The following CASK variants were observed in gnomAD, a reference collection of about 807,000 sequenced individuals.
The protein encoded by CASK is peripheral plasma membrane protein CASK.
A neutral mutation model predicts 82.9 loss-of-function variants in CASK; 4 were observed. The observed-to-expected ratio is 0.05, with a 90% CI of 0.02 to 0.11. The LOEUF (loss-of-function observed/expected upper bound fraction) is 0.11. CASK is among the 10% of genes least tolerant of loss of function. The pLI, the probability that CASK is intolerant of heterozygous loss-of-function variation, is 1.00. For missense variants in CASK, 358 were observed against 720.9 expected, an observed-to-expected ratio of 0.50 and a Z score of 5.76; for synonymous variants, 259 against 253.5, an observed-to-expected ratio of 1.02 and a Z score of -0.20.
chrX:41,850,887 G>A (rs747157919), intron 2 of CASK, among the ~76,000 whole-genome samples: 2 of 111,569 alleles, frequency 1.8e-5, no homozygotes, highest in South Asian at 3.8e-4. Flanking sequence ...ATAATAAAAT[G>A]TGTCCAAGTC....
Position 41,559,809 on chromosome X carries a change from T to A in CASK, c.1707A>T (p.Pro569=). 8.3e-7 allele frequency: 1 copy of A among 1,210,893 alleles called. No homozygotes were observed. The highest frequency in any genetic ancestry group is 1.1e-6 in the Non-Finnish European group (1 of 894,703). Residue 569 remains proline (P), a synonymous_variant, in exon 18 of 27, where the codon CCA becomes CCT. Transcript: ENST00000378163. The stretch of plus-strand genomic sequence containing the variant: ...AGGACGAAGACTGAGTGCGGTAACT[T>A]GGCACAATCTTGAAGGTAATACTCC... The part of the protein sequence containing the change: ...MRGSITFKIV[P]SYRTQSSSCE...
At chrX:41,879,290 G>A (rs757496325) in intron 1 of CASK, among the ~76,000 whole-genome samples, 2 of 111,534 alleles carry the variant, frequency 1.8e-5, no homozygotes, top group African/African-American at 3.3e-5. Flanking sequence ...AAGACCCCCA[G>A]TGGATGCCTG....
At chrX:41,648,634 G>A (rs906010308) in intron 8 of CASK, among the ~76,000 whole-genome samples, 9 of 111,163 alleles carry the variant, frequency 8.1e-5, no homozygotes, top group African/African-American at 2.9e-4. Context: ...TTATCATGCC[G>A]GCCGACGCTT....
At chrX:41,879,097 TGGA>T (rs2071893511) in intron 1 of CASK, among the ~76,000 whole-genome samples, 1 of 111,614 alleles carries the variant, frequency 9.0e-6, no homozygotes. Flanking sequence ...AGGGAGATGA[TGGA>T]GAATTGGAAA....
chrX:41,578,990 T>G (rs781097882), intron 14 of CASK, among the ~76,000 whole-genome samples: 1 of 112,213 alleles, frequency 8.9e-6, no homozygotes, highest in Admixed American at 9.5e-5. Flanking sequence ...GGGTCAGAGG[T>G]GTTATCAACT....
At chrX:41,635,695 T>TTTCTTC (rs1157091033) in intron 9 of CASK, 1 of 105,202 alleles carries the variant, frequency 9.5e-6, no homozygotes. Context: ...CCAGTTTTCT[T>TTTCTTC]TTCTTCTTCT....
intron 2 of CASK, among the ~76,000 whole-genome samples, chrX:41,808,860 G>A (rs1008888139): frequency 2.7e-5 from 3 of 112,438 alleles, no homozygotes; most frequent in South Asian, 3.7e-4. Flanking sequence ...GGAAAATCGC[G>A]TCACTCTCAC....
intron 1 of CASK, among the ~76,000 whole-genome samples, chrX:41,886,362 C>T (rs773357092): frequency 7.2e-5 from 8 of 111,677 alleles, no homozygotes; most frequent in Non-Finnish European, 1.1e-4. Flanking sequence ...TGGAACCCCT[C>T]GGAACGTCTA....
intron 1 of CASK, among the ~76,000 whole-genome samples, chrX:41,908,034 G>A (rs751042870): frequency 9.0e-6 from 1 of 111,265 alleles, no homozygotes; most frequent in South Asian, 3.8e-4. Context: ...CCTGTTGTGC[G>A]GCCTGGTTTC....
chrX:41,893,214 A>C (rs1293296502), intron 1 of CASK, among the ~76,000 whole-genome samples: 2 of 111,778 alleles, frequency 1.8e-5, no homozygotes, highest in Non-Finnish European at 3.8e-5. Flanking sequence ...GTGACATTTT[A>C]ATTTGGGTCC....
chrX:41,787,332 A>G (rs761230508), intron 2 of CASK, 49 bp from the exon 3 acceptor site: 2 of 710,871 alleles, frequency 2.8e-6, no homozygotes, highest in Non-Finnish European at 4.5e-6. Context: ...ACAAAAGACA[A>G]TTAGAGTGAA....
At chrX:41,869,098 G>A (rs1263115370) in intron 1 of CASK, among the ~76,000 whole-genome samples, 1 of 111,498 alleles carries the variant, frequency 9.0e-6, no homozygotes, top group Non-Finnish European at 1.9e-5. Context: ...TGATCTAGGA[G>A]AAAAAGGGAA....
At chrX:41,805,095 T>C (rs2070089874) in intron 2 of CASK, among the ~76,000 whole-genome samples, 1 of 111,813 alleles carries the variant, frequency 8.9e-6, no homozygotes, top group Admixed American at 9.5e-5. Flanking sequence ...GTTTTATTTC[T>C]TGGTTAATTA....
At chrX:41,915,949 T>C (rs762895938) in intron 1 of CASK, among the ~76,000 whole-genome samples, 9 of 110,472 alleles carry the variant, frequency 8.1e-5, no homozygotes, top group Admixed American at 7.6e-4. Flanking sequence ...GATCGCGCCA[T>C]TGCACTCCAG....
chrX:41,526,385 G>C (rs1348981034), intron 25 of CASK, among the ~76,000 whole-genome samples: 1 of 112,296 alleles, frequency 8.9e-6, no homozygotes, highest in Non-Finnish European at 1.9e-5. Flanking sequence ...AGATGAAGTA[G>C]AGAATGACAC....
intron 1 of CASK, among the ~76,000 whole-genome samples, chrX:41,859,574 TGC>T (rs1315098716): frequency 9.0e-6 from 1 of 111,724 alleles, no homozygotes; most frequent in Non-Finnish European, 1.9e-5. Flanking sequence ...TTTTGCATTT[TGC>T]GCTTTTTCTT....
intron 5 of CASK, among the ~76,000 whole-genome samples, chrX:41,716,877 A>G (rs1483862768): frequency 9.0e-6 from 1 of 111,597 alleles, no homozygotes; most frequent in Non-Finnish European, 1.9e-5. Context: ...TTTCTCTTCA[A>G]AAGTTTGGCA....
At chrX:41,801,995 A>G (rs776501798) in intron 2 of CASK, among the ~76,000 whole-genome samples, 266 of 111,268 alleles carry the variant, frequency 2.4e-3, no homozygotes, top group Non-Finnish European at 3.7e-3. Flanking sequence ...GACCTGCTTA[A>G]GAACAAAAGA....
At chrX:41,727,049 T>C in intron 5 of CASK, 1 of 1,160,150 alleles carries the variant, frequency 8.6e-7, no homozygotes, top group Non-Finnish European at 1.2e-6. Context: ...ACAACATGTA[T>C]TCAACCATCT....
Sources: allele counts gnomAD v4.1 joint callset (sites outside exome capture counted in the v4.1 genomes callset), GRCh38; gene constraint gnomAD v4.1.1; transcripts MANE v1.5; gene names NCBI Gene and HGNC (gene_info 2026-07-23, HGNC 2026-07-21).